Variants in ZNRF3 observed in about 807,000 individuals in gnomAD.
The protein encoded by ZNRF3 is zinc and ring finger 3.
In ZNRF3, 23 loss-of-function variants were observed where a neutral mutation model predicts 72.5. That is an observed-to-expected ratio of 0.32 (90% CI 0.23 to 0.45). The LOEUF (loss-of-function observed/expected upper bound fraction) is 0.45, where lower values mean the gene tolerates loss of function less well. Among genes scored for constraint, ZNRF3 ranks in the 20% least tolerant of loss-of-function variants. The probability of loss-of-function intolerance (pLI) is 1.00; values close to 1 mark genes in which losing one functional copy is unlikely to be tolerated. For missense variants in ZNRF3, 1,169 were observed against 1,272.1 expected (o/e 0.92, Z 1.23); for synonymous variants, 610 against 545.3 (o/e 1.12, Z -1.65).
At position 29,050,748 on chromosome 22, in the gene ZNRF3, G is replaced by A; in HGVS notation, c.2567G>A (p.Gly856Asp). Reference protein sequence around the residue: ...CQGTHSLGSWGGTRGPDTPRP... With the variant: ...CQGTHSLGSWDGTRGPDTPRP... Reference sequence around the variant, plus strand: ...GGGACCCACAGCCTCGGCTCCTGGGGTGGGACGCGAGGCCCGGATACCCCA... The same window carrying A: ...GGGACCCACAGCCTCGGCTCCTGGGATGGGACGCGAGGCCCGGATACCCCA... The change falls in exon 8 of 9, where the codon GGT becomes GAT. Residue 856 changes from glycine to aspartate, a missense_variant. Gly to Asp is a moderately conservative substitution (Grantham distance 94, BLOSUM62 -1). Coordinates refer to ENST00000544604, the MANE Select transcript of ZNRF3 (RefSeq NM_001206998.2). 6.2e-7 allele frequency: 1 copy of A among 1,609,158 alleles called. No homozygotes were observed. Among genetic ancestry groups the A allele is most frequent in the Non-Finnish European group, 8.5e-7 (1 of 1,178,116 alleles).
intron 1 of ZNRF3, among the ~76,000 whole-genome samples, chr22:28,900,103 T>C (rs1476967795): frequency 1.3e-5 from 2 of 152,122 alleles, no homozygotes; most frequent in Admixed American, 6.5e-5. Flanking sequence ...CAACCTCCCT[T>C]GCCCTCTGGT....
chr22:28,951,392 A>G (rs180837048), intron 1 of ZNRF3, among the ~76,000 whole-genome samples: 16 of 152,290 alleles, frequency 1.1e-4, no homozygotes, highest in Admixed American at 7.2e-4. Context: ...AAATCTGGAC[A>G]TATGCACACA....
chr22:29,021,652 T>C (rs777661043), intron 2 of ZNRF3, among the ~76,000 whole-genome samples: 2 of 151,798 alleles, frequency 1.3e-5, no homozygotes, highest in Non-Finnish European at 2.9e-5. Flanking sequence ...CATGCCCGGC[T>C]AATTTTTGTA....
chr22:28,893,239 C>A (rs1438480193), intron 1 of ZNRF3, among the ~76,000 whole-genome samples: 3 of 152,106 alleles, frequency 2.0e-5, no homozygotes, highest in Admixed American at 1.3e-4. Flanking sequence ...AAGTTCCCAT[C>A]CAGCACTGTA....
intron 2 of ZNRF3, among the ~76,000 whole-genome samples, chr22:29,029,261 C>T (rs150149319): frequency 3.9e-5 from 6 of 152,314 alleles, no homozygotes; most frequent in Non-Finnish European, 7.3e-5. Flanking sequence ...ATTTTATTTA[C>T]TAGTTTGTTA....
intron 1 of ZNRF3, among the ~76,000 whole-genome samples, chr22:28,932,176 T>C (rs1300070789): frequency 2.6e-5 from 4 of 152,178 alleles, no homozygotes; most frequent in Admixed American, 1.3e-4. Flanking sequence ...GTTGAAAGGA[T>C]TGAAGAAGAG....
intron 6 of ZNRF3, among the ~76,000 whole-genome samples, chr22:29,047,194 C>G (rs2037090758): frequency 1.3e-5 from 2 of 152,182 alleles, no homozygotes; most frequent in African/African-American, 4.8e-5. Flanking sequence ...GAACTTGAGG[C>G]TGCAGTGAGC....
At chr22:28,932,011 C>T (rs2081416722) in intron 1 of ZNRF3, among the ~76,000 whole-genome samples, 1 of 152,214 alleles carries the variant, frequency 6.6e-6, no homozygotes, top group Non-Finnish European at 1.5e-5. Context: ...GAACTCTAGG[C>T]ATGGGCCAGC....
intron 2 of ZNRF3, 47 bp downstream of exon 2, chr22:28,987,248 C>G: frequency 6.3e-7 from 1 of 1,579,812 alleles, no homozygotes; most frequent in Non-Finnish European, 8.6e-7. Flanking sequence ...TTGGTGTTTT[C>G]CACTCTTCCA....
intron 2 of ZNRF3, among the ~76,000 whole-genome samples, chr22:29,014,090 T>C (rs1481344213): frequency 6.6e-6 from 1 of 152,340 alleles, no homozygotes; most frequent in East Asian, 1.9e-4. Context: ...TTTTTTCATC[T>C]GTCCTGGTCG....
chr22:28,910,187 C>G (rs559866564), intron 1 of ZNRF3, among the ~76,000 whole-genome samples: 1 of 152,214 alleles, frequency 6.6e-6, no homozygotes, highest in East Asian at 1.9e-4. Flanking sequence ...AGGTGCCCAC[C>G]ACCACAACCG....
At chr22:28,951,354 A>G (rs1474156051) in intron 1 of ZNRF3, among the ~76,000 whole-genome samples, 3 of 152,154 alleles carry the variant, frequency 2.0e-5, no homozygotes, top group Non-Finnish European at 2.9e-5. Context: ...CCCTAATCCA[A>G]TATGACTGGT....
chr22:28,930,711 G>A (rs2034690441), intron 1 of ZNRF3, among the ~76,000 whole-genome samples: 1 of 152,222 alleles, frequency 6.6e-6, no homozygotes, highest in Non-Finnish European at 1.5e-5. Flanking sequence ...GTTATGCTGA[G>A]CCTGAGATGT....
chr22:29,035,045 T>C (rs1337521046), intron 2 of ZNRF3, among the ~76,000 whole-genome samples: 1 of 150,128 alleles, frequency 6.7e-6, no homozygotes, highest in Non-Finnish European at 1.5e-5. Context: ...AGTCTTGCTA[T>C]ATTGGCCAGG....
intron 1 of ZNRF3, among the ~76,000 whole-genome samples, chr22:28,926,714 G>A (rs1470856112): frequency 4.7e-5 from 7 of 149,036 alleles, no homozygotes; most frequent in African/African-American, 1.5e-4. Context: ...CAGGAGAATC[G>A]CTTGAACCTG....
At chr22:28,958,878 G>T (rs572785013) in intron 1 of ZNRF3, among the ~76,000 whole-genome samples, 1 of 152,170 alleles carries the variant, frequency 6.6e-6, no homozygotes, top group Admixed American at 6.5e-5. Flanking sequence ...TAGTCCTTGC[G>T]TCTTACAGCA....
chr22:29,034,009 T>C (rs8137254), intron 2 of ZNRF3, among the ~76,000 whole-genome samples: 74,676 of 152,054 alleles, frequency 0.49, 18,641 homozygotes, highest in Non-Finnish European at 0.52. Context: ...GGTGCCATTT[T>C]GGATTCTCCA....
At chr22:28,934,079 G>C (rs900840336) in intron 1 of ZNRF3, among the ~76,000 whole-genome samples, 2 of 152,102 alleles carry the variant, frequency 1.3e-5, no homozygotes, top group African/African-American at 4.8e-5. Flanking sequence ...GGGTGACCCA[G>C]AAACTTAAAC....
chr22:28,951,946 G>A (rs1376715306), intron 1 of ZNRF3, among the ~76,000 whole-genome samples: 1 of 152,212 alleles, frequency 6.6e-6, no homozygotes, highest in African/African-American at 2.4e-5. Flanking sequence ...CTGTGTTGAT[G>A]AGAGGTATTA....
Sources: gnomAD v4.1 joint callset for allele counts (sites outside exome capture counted in the v4.1 genomes callset) on GRCh38, gnomAD v4.1.1 for gene constraint, MANE v1.5 for transcripts, NCBI Gene and HGNC (gene_info 2026-07-23, HGNC 2026-07-21) for gene names.